The following PTPRE variants were observed in gnomAD, a reference collection of about 807,000 sequenced individuals.
The protein encoded by PTPRE is receptor-type tyrosine-protein phosphatase epsilon.
PTPRE carries 51 observed loss-of-function variants against 102.0 expected under a neutral mutation model. The ratio of observed to expected loss-of-function variants is 0.50; its 90% CI spans 0.40 to 0.63. PTPRE has a LOEUF of 0.63. PTPRE is among the 30% of genes least tolerant of loss of function. The pLI, the probability that PTPRE is intolerant of heterozygous loss-of-function variation, is 0.00. For missense variants in PTPRE, 752 were observed against 915.1 expected (o/e 0.82, Z 2.30); for synonymous variants, 345 against 348.2 (o/e 0.99, Z 0.10).
At chr10:128,040,497 G>A (rs1258109346) in intron 2 of PTPRE, among the ~76,000 whole-genome samples, 1 of 152,080 alleles carries the variant, frequency 6.6e-6, no homozygotes, top group African/African-American at 2.4e-5. Context: ...GGCGAGTGGA[G>A]GGTGGATGGT....
rs138686938 is a variant in PTPRE at position 128,070,670 on chromosome 10, A to C, written c.1294-138A>C. ...ACTAGGCACACATTTGTATTTCCCAATGCTAAGGAGGCTTCCTGGGTTGGA... is the reference window on the plus strand; with the variant it reads ...ACTAGGCACACATTTGTATTTCCCACTGCTAAGGAGGCTTCCTGGGTTGGA... On this transcript the variant is annotated intron_variant, in intron 14 of 20. Coordinates refer to ENST00000254667, the MANE Select transcript of PTPRE (RefSeq NM_006504.6). This position sits in a 1 kb window ranked among gnomAD's most constrained non-coding sequence, Gnocchi z 4.8. The C allele has an allele frequency of 6.2e-5, 71 of 1,154,128 alleles. No individual in the cohort carries two copies. In the East Asian group the frequency reaches 1.8e-3, roughly 29 times the overall value. 71.5% of individuals were successfully genotyped at this position (1,154,128 alleles called of 1,614,324 possible). A position where few individuals can be genotyped will look rare whatever the true frequency, so the allele number is the denominator to read the frequency against.
intron 2 of PTPRE, among the ~76,000 whole-genome samples, chr10:128,020,057 CGTGT>C (rs10611602): frequency 0.016 from 2,361 of 143,826 alleles, 64 homozygotes; most frequent in African/African-American, 0.051. Flanking sequence ...CACGCGCGCA[CGTGT>C]GTGTGTGTGT....
chr10:128,049,417 G>A, intron 5 of PTPRE, 113 bp from the exon 6 acceptor site: 1 of 1,365,078 alleles, frequency 7.3e-7, no homozygotes, highest in Non-Finnish European at 1.0e-6. Context: ...TGAGAGAACT[G>A]TTCCAGCTCC....
intron 2 of PTPRE, among the ~76,000 whole-genome samples, chr10:127,983,209 T>C (rs1382151498): frequency 6.6e-6 from 1 of 152,260 alleles, no homozygotes; most frequent in Non-Finnish European, 1.5e-5. Context: ...ATGGTCGTTC[T>C]TGGTGTGATG....
At chr10:128,079,256 A>G (rs1440508622) in intron 19 of PTPRE, among the ~76,000 whole-genome samples, 2 of 152,100 alleles carry the variant, frequency 1.3e-5, no homozygotes, top group Non-Finnish European at 2.9e-5. Flanking sequence ...TTTGAGAACC[A>G]TTGCCCTACA....
chr10:127,959,042 A>G (rs563961943), intron 1 of PTPRE, among the ~76,000 whole-genome samples: 1 of 152,198 alleles, frequency 6.6e-6, no homozygotes, highest in East Asian at 1.9e-4. Flanking sequence ...GATTACAGGC[A>G]TGCGCCACCA....
intron 13 of PTPRE, 44 bp downstream of exon 13, chr10:128,069,871 A>C (rs1850614433): frequency 6.2e-7 from 1 of 1,613,688 alleles, no homozygotes; most frequent in African/African-American, 1.3e-5. Flanking sequence ...TTCCCAAAGC[A>C]AACCCGATGC....
Position 127,983,441 on chromosome 10 carries a change from C to A in PTPRE, c.-8+1145C>A, listed in dbSNP as rs754263704. On this transcript the variant is annotated intron_variant, in intron 2 of 20. Coordinates refer to ENST00000254667, the MANE Select transcript of PTPRE (RefSeq NM_006504.6). ...CAGCGGTGGGATCAAAGAGAAGGAT[C>A]GTTACTGGAATCATATTATGGGATG... Among the ~76,000 whole-genome samples the A allele has an allele frequency of 2.0e-5, 3 of 152,136 alleles. No individual in the cohort carries two copies. The East Asian group carries it at 5.8e-4, about 29-fold the overall frequency.
At chr10:128,018,486 A>T (rs114508464) in intron 2 of PTPRE, among the ~76,000 whole-genome samples, 2,292 of 152,242 alleles carry the variant, frequency 0.015, 59 homozygotes, top group African/African-American at 0.051. Context: ...GACCCAGCCA[A>T]AATCTATATT....
At chr10:128,063,257 C>T in intron 10 of PTPRE, 77 bp downstream of exon 10, 1 of 1,564,556 alleles carries the variant, frequency 6.4e-7, no homozygotes, top group Non-Finnish European at 8.7e-7. Flanking sequence ...CTTACCACTT[C>T]CTTTTCCTAC....
intron 2 of PTPRE, among the ~76,000 whole-genome samples, chr10:128,034,824 T>C (rs1448098532): frequency 6.6e-6 from 1 of 152,108 alleles, no homozygotes; most frequent in Non-Finnish European, 1.5e-5. Context: ...AAAACATGAA[T>C]AAGAACATTG....
chr10:128,046,194 G>T (rs1848076193), intron 3 of PTPRE, among the ~76,000 whole-genome samples: 1 of 152,198 alleles, frequency 6.6e-6, no homozygotes, highest in South Asian at 2.1e-4. Flanking sequence ...CTTCCCTGGG[G>T]AGTTTATAAC....
chr10:127,982,250 T>A (rs1304515809), intron 1 of PTPRE, 24 bp from the exon 2 acceptor site: 1 of 1,256,500 alleles, frequency 8.0e-7, no homozygotes, highest in Non-Finnish European at 1.0e-6. Context: ...AAAACTGACT[T>A]TTTTTTTCTT....
rs1721003834 is a variant in PTPRE, at chr10:128,037,217, C to T, written c.-7-3658C>T. Among the ~76,000 whole-genome samples the T allele has an allele frequency of 2.0e-5, 3 of 152,188 alleles. No individual in the cohort carries two copies. The South Asian group carries it at 6.2e-4, about 31-fold the overall frequency. On this transcript the variant is annotated intron_variant, in intron 2 of 20. Coordinates refer to ENST00000254667, the MANE Select transcript of PTPRE (RefSeq NM_006504.6). ...CTACCCAATTCCTCTTCAGACTTTTCCTCCTCACTCATCTTCTCTCACATG... is the reference window on the plus strand; with the variant it reads ...CTACCCAATTCCTCTTCAGACTTTTTCTCCTCACTCATCTTCTCTCACATG...
rs1348499264 is a variant in PTPRE at position 128,040,964 on chromosome 10, A to T, written c.83A>T (p.Asp28Val). 2.5e-6 allele frequency: 4 copies of T among 1,613,944 alleles called. No homozygotes were observed. Among genetic ancestry groups the T allele is most frequent in the African/African-American group, 1.3e-5 (1 of 74,892 alleles). ...CTCAGGGGCAACGAGACCACTGCCGACAGCAACGAGACAACCACGACCTCA... is the reference window on the plus strand; with the variant it reads ...CTCAGGGGCAACGAGACCACTGCCGTCAGCAACGAGACAACCACGACCTCA... ...RALRGNETTA[D>V]SNETTTTSGP... Residue 28 changes from aspartate (D) to valine (V), a missense_variant, in exon 3 of 21, where the codon GAC becomes GTC. By Grantham distance (152) the Asp-to-Val change is radical (BLOSUM62 -3). Coordinates refer to ENST00000254667, the MANE Select transcript of PTPRE (RefSeq NM_006504.6).
At chr10:128,052,029 C>CTT (rs1848603809) in intron 6 of PTPRE, among the ~76,000 whole-genome samples, 2 of 151,988 alleles carry the variant, frequency 1.3e-5, no homozygotes. Context: ...TGCCCACTGG[C>CTT]TTTTTTACTT....
At chr10:128,004,159 A>G (rs1487746152) in intron 2 of PTPRE, among the ~76,000 whole-genome samples, 1 of 151,454 alleles carries the variant, frequency 6.6e-6, no homozygotes, top group Non-Finnish European at 1.5e-5. Context: ...AATAACGATG[A>G]TACTACCCTT....
At chr10:127,914,519 G>GATCC (rs1846077096) in intron 1 of PTPRE, among the ~76,000 whole-genome samples, 1 of 152,210 alleles carries the variant, frequency 6.6e-6, no homozygotes, top group Non-Finnish European at 1.5e-5. Flanking sequence ...ACATGGGATG[G>GATCC]ATCTTTGGAG....
chr10:128,070,420 C>G lies in PTPRE; in HGVS notation c.1263C>G (p.Phe421Leu). 2.5e-6 allele frequency: 4 copies of G among 1,614,114 alleles called. No individual in the cohort carries two copies. The highest frequency in any genetic ancestry group is 3.4e-6 in the Non-Finnish European group (4 of 1,179,998). The change falls in exon 14 of 21, where the codon TTC becomes TTG. Residue 421 changes from phenylalanine to leucine, a missense_variant. Coordinates refer to ENST00000254667, the MANE Select transcript of PTPRE (RefSeq NM_006504.6). The surrounding 1 kb of genome is among the most constrained non-coding windows in gnomAD (Gnocchi z 4.8). ...CCATGCACGGCACCACCACCCACTT[C>G]GACAAGATCGGGCTGGAGGAGGAGT... The part of the protein sequence containing the change: ...LQTMHGTTTH[F>L]DKIGLEEEFR...
Sources: gnomAD v4.1 joint callset for allele counts (sites outside exome capture counted in the v4.1 genomes callset) on GRCh38, gnomAD v4.1.1 for gene constraint, Gnocchi (gnomAD v3.1) non-coding constraint, MANE v1.5 for transcripts, NCBI Gene and HGNC (gene_info 2026-07-23, HGNC 2026-07-21) for gene names.